NRG2: variants seen among roughly 807,000 people sequenced by gnomAD.
The protein encoded by NRG2 is neuregulin 2, also known as pro-neuregulin-2, membrane-bound isoform.
In NRG2, 27 loss-of-function variants were observed where a neutral mutation model predicts 73.9. The ratio of observed to expected loss-of-function variants is 0.37; its 90% CI spans 0.27 to 0.50. The LOEUF (loss-of-function observed/expected upper bound fraction) is 0.50. Ranked by LOEUF, NRG2 falls within the 20% of genes least tolerant of loss-of-function variation. The pLI, the probability that NRG2 is intolerant of heterozygous loss-of-function variation, is 0.96. For synonymous variants in NRG2, 532 were observed against 541.0 expected, an observed-to-expected ratio of 0.98 and a Z score of 0.23; for missense variants, 1,126 against 1,210.1, an observed-to-expected ratio of 0.93 and a Z score of 1.03.
intron 1 of NRG2, among the ~76,000 whole-genome samples, chr5:139,969,700 C>A (rs1381259569): frequency 2.6e-5 from 4 of 152,212 alleles, no homozygotes; most frequent in African/African-American, 9.6e-5. Flanking sequence ...CTCTTGCCCT[C>A]AAGTATTTTA....
chr5:139,953,166 C>G (rs1273705360), intron 1 of NRG2, among the ~76,000 whole-genome samples: 1 of 152,074 alleles, frequency 6.6e-6, no homozygotes, highest in Non-Finnish European at 1.5e-5. Context: ...CTGTGGCCGC[C>G]CTTGTGCTTG....
At chr5:140,036,493 CTACTT>C (rs940624934) in intron 1 of NRG2, among the ~76,000 whole-genome samples, 3 of 152,204 alleles carry the variant, frequency 2.0e-5, no homozygotes, top group African/African-American at 7.2e-5. Flanking sequence ...TTAAAGAAGT[CTACTT>C]TAATTAAATA....
intron 1 of NRG2, among the ~76,000 whole-genome samples, chr5:139,952,706 T>C (rs1754307952): frequency 6.6e-6 from 1 of 152,206 alleles, no homozygotes; most frequent in Non-Finnish European, 1.5e-5. Context: ...CTCCTCCCCC[T>C]TGAAGAGTCA....
chr5:139,996,430 A>T (rs1758019335), intron 1 of NRG2, among the ~76,000 whole-genome samples: 1 of 152,234 alleles, frequency 6.6e-6, no homozygotes, highest in Non-Finnish European at 1.5e-5. Context: ...GAACAATACT[A>T]TAATGAACAT....
At chr5:139,916,713 G>A (rs544871502) in intron 1 of NRG2, among the ~76,000 whole-genome samples, 1 of 152,240 alleles carries the variant, frequency 6.6e-6, no homozygotes, top group Admixed American at 6.5e-5. Context: ...CCATGTTGTA[G>A]CATGGATCAG....
chr5:140,039,590 C>T (rs1761759989), intron 1 of NRG2, among the ~76,000 whole-genome samples: 1 of 152,124 alleles, frequency 6.6e-6, no homozygotes, highest in African/African-American at 2.4e-5. Flanking sequence ...GGAAACGAGC[C>T]ATTTATGAGG....
chr5:139,857,358 C>T (rs570512567), intron 5 of NRG2, among the ~76,000 whole-genome samples: 3 of 152,184 alleles, frequency 2.0e-5, no homozygotes, highest in Non-Finnish European at 2.9e-5. Flanking sequence ...CCTGACTGCT[C>T]CCTGAAGTAT....
chr5:140,008,420 G>T lies in NRG2; in HGVS notation c.700+33950C>A, dbSNP rs1011024817. Among the ~76,000 whole-genome samples, 2 of 152,142 alleles carry T rather than the reference G, an allele frequency of 1.3e-5. No homozygotes were observed. Among genetic ancestry groups the T allele is most frequent in the Admixed American group, 1.3e-4 (2 of 15,270 alleles). ...TATTATGTGCCAGAAACTGAACTAG[G>T]TAATGGTCATTTGGGTCTGACCTAC... On this transcript the variant is annotated intron_variant, in intron 1 of 9. Coordinates refer to ENST00000361474, the MANE Select transcript of NRG2 (RefSeq NM_004883.3). The surrounding 1 kb of genome is among the most constrained non-coding windows in gnomAD (Gnocchi z 4.2).
chr5:139,859,251 C>T (rs1382705105), intron 5 of NRG2, among the ~76,000 whole-genome samples: 4 of 152,066 alleles, frequency 2.6e-5, no homozygotes, highest in Admixed American at 2.0e-4. Flanking sequence ...GTACTAGAGG[C>T]CAGCCCCACC....
chr5:139,933,436 G>A (rs11955691), intron 1 of NRG2, among the ~76,000 whole-genome samples: 31,327 of 152,090 alleles, frequency 0.21, 3,965 homozygotes, highest in African/African-American at 0.36. Context: ...TAAAGGTAAG[G>A]AAACTGGAAT....
At chr5:139,988,296 C>G (rs1268258228) in intron 1 of NRG2, among the ~76,000 whole-genome samples, 1 of 152,008 alleles carries the variant, frequency 6.6e-6, no homozygotes, top group Non-Finnish European at 1.5e-5. Context: ...ATTGAGCTCT[C>G]TGGTATTTAC....
chr5:140,011,710 C>T lies in NRG2; in HGVS notation c.700+30660G>A, dbSNP rs113975450. 1.7e-3 allele frequency among the ~76,000 whole-genome samples: 253 copies of T among 152,294 alleles called. 2 individuals are homozygous for T. The highest frequency in any genetic ancestry group is 6.8e-3 in the Middle Eastern group (2 of 294). On this transcript the variant is annotated intron_variant, in intron 1 of 9. Coordinates refer to ENST00000361474, the MANE Select transcript of NRG2 (RefSeq NM_004883.3). ...CTGTTGAGCCTGAGATGACTGCATC[C>T]CTGGCTGACACCTTATTTGTAGCCT... is the stretch of plus-strand genomic sequence containing the variant.
intron 5 of NRG2, among the ~76,000 whole-genome samples, chr5:139,861,231 C>T (rs1307165419): frequency 1.3e-5 from 2 of 152,206 alleles, no homozygotes; most frequent in Admixed American, 6.5e-5. Context: ...TGGATTGGCT[C>T]ACTCTCTGGC....
intron 1 of NRG2, among the ~76,000 whole-genome samples, chr5:139,958,985 A>C (rs1056256315): frequency 6.6e-6 from 1 of 152,184 alleles, no homozygotes; most frequent in Admixed American, 6.5e-5. Flanking sequence ...TCAGATTCCC[A>C]GTGTGGCTTT....
intron 1 of NRG2, among the ~76,000 whole-genome samples, chr5:139,975,996 A>G (rs1312509003): frequency 6.6e-6 from 1 of 152,248 alleles, no homozygotes; most frequent in African/African-American, 2.4e-5. Flanking sequence ...TTTTACCTAA[A>G]TTATTACATT....
intron 1 of NRG2, among the ~76,000 whole-genome samples, chr5:139,905,386 C>A (rs1765164154): frequency 6.6e-6 from 1 of 152,218 alleles, no homozygotes; most frequent in African/African-American, 2.4e-5. Flanking sequence ...CCTGAGGTGT[C>A]CCCTTACAGC....
At chr5:139,854,005 T>A (rs1761652028) in intron 6 of NRG2, among the ~76,000 whole-genome samples, 1 of 152,350 alleles carries the variant, frequency 6.6e-6, no homozygotes, top group East Asian at 1.9e-4. Context: ...ATAGAATACA[T>A]GATATGATTA....
chr5:139,938,935 AAG>A (rs1554111075), intron 1 of NRG2, among the ~76,000 whole-genome samples: 7 of 145,552 alleles, frequency 4.8e-5, no homozygotes, highest in Non-Finnish European at 9.0e-5. Flanking sequence ...GAAAGAAAGA[AAG>A]AAAGAAAGAA....
intron 1 of NRG2, among the ~76,000 whole-genome samples, chr5:139,931,478 C>T (rs1232467433): frequency 2.0e-5 from 3 of 152,146 alleles, no homozygotes; most frequent in Non-Finnish European, 4.4e-5. Flanking sequence ...GGCCCTTCCC[C>T]TGGTCCGAGG....
Sources: gnomAD v4.1 joint callset for allele counts (sites outside exome capture counted in the v4.1 genomes callset) on GRCh38, gnomAD v4.1.1 for gene constraint, Gnocchi (gnomAD v3.1) non-coding constraint, MANE v1.5 for transcripts, NCBI Gene and HGNC (gene_info 2026-07-23, HGNC 2026-07-21) for gene names.